Variants in FRS2 observed in about 807,000 individuals in gnomAD.
FRS2 encodes the protein FGFR signalling adaptor.
FRS2 carries 8 observed loss-of-function variants against 43.9 expected under a neutral mutation model. The observed-to-expected ratio is 0.18, with a 90% CI of 0.11 to 0.33. FRS2 has a LOEUF of 0.33. Among genes scored for constraint, FRS2 ranks in the 10% least tolerant of loss-of-function variants. The pLI is 1.00. For synonymous variants in FRS2, 219 were observed against 220.3 expected (o/e 0.99, Z 0.05); for missense variants, 534 against 627.6 (o/e 0.85, Z 1.59).
At chr12:69,525,704 G>C (rs1876147070) in intron 1 of FRS2, among the ~76,000 whole-genome samples, 1 of 151,888 alleles carries the variant, frequency 6.6e-6, no homozygotes, top group Non-Finnish European at 1.5e-5. Flanking sequence ...GACTGTGAGG[G>C]AGATTATTTT....
chr12:69,569,073 G>C lies in FRS2; in HGVS notation c.43G>C (p.Asp15His). Residue 15 changes from aspartate to histidine, a missense_variant, in exon 5 of 9, where the codon GAT becomes CAT. By Grantham distance (81) the Asp-to-His change is moderately conservative. Coordinates refer to ENST00000549921, the MANE Select transcript of FRS2 (RefSeq NM_001278356.2). ...CSCPDKDTVPDNHRNKFKVIN... is the reference protein window; with the variant it reads ...CSCPDKDTVPHNHRNKFKVIN... ...CTGTCCAGATAAAGACACTGTCCCA[G>C]ATAACCATCGGAACAAGTTTAAGGT... 1 of 1,611,520 alleles carries C rather than the reference G, an allele frequency of 6.2e-7. No individual in the cohort carries two copies. Among genetic ancestry groups the C allele is most frequent in the Non-Finnish European group, 8.5e-7 (1 of 1,178,090 alleles).
intron 1 of FRS2, among the ~76,000 whole-genome samples, chr12:69,520,378 T>C (rs1245768148): frequency 1.9e-5 from 1 of 53,656 alleles, no homozygotes; most frequent in African/African-American, 1.6e-4. Context: ...TATTATTAGT[T>C]TTTTTTTTTT....
At chr12:69,570,184 C>T (rs1210042055) in intron 5 of FRS2, 147 bp from the exon 6 acceptor site, 8 of 629,462 alleles carry the variant, frequency 1.3e-5, no homozygotes, top group Admixed American at 1.1e-4. Flanking sequence ...CAGATCTGAA[C>T]TGGGTGTTAC....
Position 69,578,674 on chromosome 12 carries a change from T to G in FRS2, c.*3719T>G. On this transcript the variant is annotated 3_prime_UTR_variant, in exon 9 of 9. Transcript: ENST00000549921. ...TATACATTTTATAAAGGACAAACTT[T>G]GTGTTATGTTTTATTTTCATTACAT... is the stretch of plus-strand genomic sequence containing the variant. 1 of 152,630 alleles carries G rather than the reference T, an allele frequency of 6.6e-6. No homozygotes were observed. Among genetic ancestry groups the G allele is most frequent in the South Asian group, 2.1e-4 (1 of 4,834 alleles). The allele number at this position is 152,630 out of a possible 1,614,324, so 9.5% of individuals were successfully genotyped here.
chr12:69,474,987 T>G (rs1870639899), intron 1 of FRS2, among the ~76,000 whole-genome samples: 1 of 152,250 alleles, frequency 6.6e-6, no homozygotes, highest in African/African-American at 2.4e-5. Context: ...TTATAATGTT[T>G]GGATTATATT....
At chr12:69,513,755 G>A (rs1874699174) in intron 1 of FRS2, among the ~76,000 whole-genome samples, 2 of 152,100 alleles carry the variant, frequency 1.3e-5, no homozygotes, top group Non-Finnish European at 2.9e-5. Context: ...CAAGTGTAAA[G>A]CTCCTGCTGG....
At chr12:69,557,465 G>A (rs1304071127) in intron 3 of FRS2, among the ~76,000 whole-genome samples, 2 of 152,144 alleles carry the variant, frequency 1.3e-5, no homozygotes, top group Admixed American at 6.5e-5. Context: ...TGAATTTTTA[G>A]TGGAGAGAGC....
chr12:69,470,945 C>T (rs1468708994), intron 1 of FRS2, among the ~76,000 whole-genome samples: 1 of 152,172 alleles, frequency 6.6e-6, no homozygotes, highest in South Asian at 2.1e-4. Context: ...TCCTCTGGGT[C>T]TGTCCTGGGG....
intron 4 of FRS2, among the ~76,000 whole-genome samples, chr12:69,565,483 CTT>C (rs776542451): frequency 4.7e-4 from 72 of 152,214 alleles, no homozygotes; most frequent in African/African-American, 1.6e-3. Context: ...TTTTTTGAAA[CTT>C]TTTGACTCTC....
Position 69,470,575 on chromosome 12 carries a change from C to T in FRS2, c.-261+45C>T, listed in dbSNP as rs1020675818. On this transcript the variant is annotated intron_variant, in intron 1 of 8. Coordinates refer to ENST00000549921, the MANE Select transcript of FRS2 (RefSeq NM_001278356.2). ...GACTGGGACGGCCGCGGGCCCGCGT[C>T]GGAGCTGGCGTTCTCGTGCCCCCGC... 4 of 398,150 alleles carry T rather than the reference C, an allele frequency of 1.0e-5. No homozygotes were observed. In the East Asian group the frequency reaches 1.1e-4, roughly 11 times the overall value. 24.7% of individuals were successfully genotyped at this position (398,150 alleles called of 1,614,324 possible). A position where few individuals can be genotyped will look rare whatever the true frequency, so the allele number is the denominator to read the frequency against.
intron 1 of FRS2, among the ~76,000 whole-genome samples, chr12:69,512,522 A>T (rs1307127006): frequency 6.6e-6 from 1 of 152,100 alleles, no homozygotes; most frequent in East Asian, 1.9e-4. Context: ...TTTCTAAGGG[A>T]TTGTGGTATC....
At chr12:69,558,660 T>C (rs1238494461) in intron 3 of FRS2, among the ~76,000 whole-genome samples, 1 of 152,228 alleles carries the variant, frequency 6.6e-6, no homozygotes, top group African/African-American at 2.4e-5. Context: ...GGAGACTTTT[T>C]TGATGCTATT....
Position 69,470,524 on chromosome 12 carries a change from G to C in FRS2, c.-267G>C, listed in dbSNP as rs1182024518. The C allele has an allele frequency of 2.3e-5, 9 of 398,486 alleles. No homozygotes were observed. Among genetic ancestry groups the C allele is most frequent in the Admixed American group, 4.4e-5 (1 of 22,722 alleles). 24.7% of individuals were successfully genotyped at this position (398,486 alleles called of 1,614,324 possible). A position where few individuals can be genotyped will look rare whatever the true frequency, so the allele number is the denominator to read the frequency against. ...CGCCCTGCTCCCTCTCAGCACCTGG[G>C]CGGACGGTGAGTGGCTAGGGAAACG... On this transcript the variant is annotated 5_prime_UTR_variant, in exon 1 of 9. Transcript: ENST00000549921.
intron 3 of FRS2, among the ~76,000 whole-genome samples, chr12:69,550,606 A>G (rs1411232955): frequency 3.9e-5 from 6 of 152,226 alleles, no homozygotes. Context: ...AAAACATACA[A>G]TACCACCAAA....
intron 3 of FRS2, among the ~76,000 whole-genome samples, chr12:69,551,898 A>T (rs533080564): frequency 6.6e-6 from 1 of 152,216 alleles, no homozygotes; most frequent in Admixed American, 6.5e-5. Context: ...GATCCTAAGA[A>T]ACATTTTCCA....
At chr12:69,566,350 G>A (rs180924705) in intron 4 of FRS2, among the ~76,000 whole-genome samples, 253 of 152,218 alleles carry the variant, frequency 1.7e-3, no homozygotes, top group Non-Finnish European at 2.7e-3. Context: ...GGAGGTCGGG[G>A]AGAACAAATA....
chr12:69,495,284 G>C (rs1483279539), intron 1 of FRS2, among the ~76,000 whole-genome samples: 3 of 152,170 alleles, frequency 2.0e-5, no homozygotes. Flanking sequence ...AAGTATTACA[G>C]TGCTTAGAAG....
At chr12:69,504,160 G>C (rs1873719721) in intron 1 of FRS2, among the ~76,000 whole-genome samples, 2 of 152,210 alleles carry the variant, frequency 1.3e-5, no homozygotes, top group Non-Finnish European at 2.9e-5. Context: ...CGATGAGTGA[G>C]ACAAGCAGCA....
At chr12:69,505,306 G>A (rs1365857918) in intron 1 of FRS2, among the ~76,000 whole-genome samples, 1 of 152,160 alleles carries the variant, frequency 6.6e-6, no homozygotes, top group Non-Finnish European at 1.5e-5. Flanking sequence ...TAGTTCTGTG[G>A]AACATTTCTC....
Sources: gnomAD v4.1 joint callset for allele counts (sites outside exome capture counted in the v4.1 genomes callset) on GRCh38, gnomAD v4.1.1 for gene constraint, MANE v1.5 for transcripts, NCBI Gene and HGNC (gene_info 2026-07-23, HGNC 2026-07-21) for gene names.